DCDC1: variants seen among roughly 807,000 people sequenced by gnomAD.
DCDC1 encodes the protein doublecortin domain-containing protein 1.
A neutral mutation model predicts 178.3 loss-of-function variants in DCDC1; 200 were observed. The observed-to-expected ratio is 1.12, with a 90% confidence interval of 1.00 to 1.26. The LOEUF is 1.26. Among genes scored for constraint, DCDC1 ranks in the 50% most tolerant of loss-of-function variants. The pLI is 0.00. For missense variants in DCDC1, 1,983 were observed against 1,749.2 expected (o/e 1.13, Z -2.38); for synonymous variants, 690 against 604.8 (o/e 1.14, Z -2.07).
chr11:31,301,512 C>T (rs1948114408), intron 6 of DCDC1, among the ~76,000 whole-genome samples: 1 of 152,064 alleles, frequency 6.6e-6, no homozygotes, highest in African/African-American at 2.4e-5. Flanking sequence ...GTGCTTTTAA[C>T]ATAACAATTT....
At chr11:31,056,485 G>A (rs1020389859) in intron 20 of DCDC1, among the ~76,000 whole-genome samples, 9 of 151,892 alleles carry the variant, frequency 5.9e-5, no homozygotes. Flanking sequence ...AAAAGTAAAA[G>A]GACACCAAAA....
chr11:31,020,719 G>T (rs933830523), intron 20 of DCDC1, among the ~76,000 whole-genome samples: 1 of 152,112 alleles, frequency 6.6e-6, no homozygotes, highest in Non-Finnish European at 1.5e-5. Flanking sequence ...TTACAGGCAT[G>T]AGCCACCGCA....
chr11:30,952,597 A>T (rs1316513906), intron 20 of DCDC1, 29 bp from the exon 21 acceptor site: 3 of 996,594 alleles, frequency 3.0e-6, no homozygotes, highest in Non-Finnish European at 4.5e-6. Flanking sequence ...AACAAAAAGA[A>T]ATTTAGCAAG....
chr11:31,089,612 CTT>C (rs34932827), intron 17 of DCDC1, among the ~76,000 whole-genome samples: 5 of 141,500 alleles, frequency 3.5e-5, no homozygotes, highest in African/African-American at 2.6e-5. Context: ...ATGCTCCGTT[CTT>C]TTTTTTTTTT....
At chr11:31,138,640 C>T (rs1963449863) in intron 9 of DCDC1, among the ~76,000 whole-genome samples, 1 of 152,110 alleles carries the variant, frequency 6.6e-6, no homozygotes, top group Non-Finnish European at 1.5e-5. Context: ...AAATGAATAA[C>T]GACCATGTTT....
intron 22 of DCDC1, among the ~76,000 whole-genome samples, chr11:30,928,834 T>C (rs1946754368): frequency 6.6e-6 from 1 of 151,376 alleles, no homozygotes; most frequent in South Asian, 2.1e-4. Context: ...GAAATATAAA[T>C]TTTTCAACTT....
intron 1 of DCDC1, among the ~76,000 whole-genome samples, chr11:31,360,599 G>A (rs1357354350): frequency 6.6e-6 from 1 of 152,112 alleles, no homozygotes; most frequent in East Asian, 1.9e-4. Flanking sequence ...TCTGTTCTCT[G>A]TCTCAAAATA....
At chr11:31,059,916 T>C (rs921106593) in intron 20 of DCDC1, among the ~76,000 whole-genome samples, 6 of 152,074 alleles carry the variant, frequency 3.9e-5, no homozygotes, top group African/African-American at 1.4e-4. Context: ...TATATAGACA[T>C]GATCATTATT....
rs994633327 is a variant in DCDC1 at position 31,206,129 on chromosome 11, A to G, written c.1221+35321T>C. Among the ~76,000 whole-genome samples the G allele has an allele frequency of 2.6e-5, 4 of 152,308 alleles. No individual in the cohort carries two copies. In the East Asian group the frequency reaches 7.7e-4, roughly 29 times the overall value. The stretch of plus-strand genomic sequence containing the variant: ...AAGGCAAATGGATAAAGAATCATCA[A>G]TGGATATTAAAACCAGTAGGTGAAA... On this transcript the variant is annotated intron_variant, in intron 9 of 38. Transcript: ENST00000684477.
At position 30,922,650 on chromosome 11, in the gene DCDC1, AG is replaced by A; in HGVS notation, c.2998-13del. 1 of 1,520,160 alleles carries A rather than the reference AG, an allele frequency of 6.6e-7. No individual in the cohort carries two copies. Among genetic ancestry groups the A allele is most frequent in the Non-Finnish European group, 8.8e-7 (1 of 1,141,444 alleles). 94.2% of individuals were successfully genotyped at this position (1,520,160 alleles called of 1,614,324 possible). The stretch of plus-strand genomic sequence containing the variant: ...CATGAAACATACACCTATCAAACAA[AG>A]CATCTCTTATCCTGTATATAATTGT... On this transcript the variant is annotated splice_polypyrimidine_tract_variant and intron_variant, in intron 23 of 38. Transcript: ENST00000684477.
chr11:31,104,374 G>T (rs1303780131), intron 13 of DCDC1, among the ~76,000 whole-genome samples: 1 of 152,036 alleles, frequency 6.6e-6, no homozygotes, highest in African/African-American at 2.4e-5. Context: ...CATCACCTCT[G>T]CAGTCTTGTT....
chr11:30,868,410 G>A (rs535075402), intron 38 of DCDC1, among the ~76,000 whole-genome samples: 60 of 151,848 alleles, frequency 4.0e-4, no homozygotes, highest in South Asian at 2.1e-3. Context: ...ACCACCACAC[G>A]TGGTTAATTT....
intron 1 of DCDC1, among the ~76,000 whole-genome samples, chr11:31,354,500 G>A (rs956517542): frequency 6.6e-6 from 1 of 152,152 alleles, no homozygotes; most frequent in African/African-American, 2.4e-5. Flanking sequence ...CATTTTTAAA[G>A]CAAGGGGGAA....
At chr11:30,944,665 C>A (rs940419524) in intron 21 of DCDC1, among the ~76,000 whole-genome samples, 4 of 152,126 alleles carry the variant, frequency 2.6e-5, no homozygotes, top group African/African-American at 4.8e-5. Flanking sequence ...ATTTGAGTTT[C>A]CCTGCTTGGT....
chr11:31,225,921 C>G (rs1974889041), intron 9 of DCDC1, among the ~76,000 whole-genome samples: 1 of 151,638 alleles, frequency 6.6e-6, no homozygotes, highest in Non-Finnish European at 1.5e-5. Flanking sequence ...AAACACAGAG[C>G]TAGGAAGGAG....
chr11:31,296,871 G>A (rs1338571972), intron 6 of DCDC1, among the ~76,000 whole-genome samples: 1 of 152,018 alleles, frequency 6.6e-6, no homozygotes, highest in Non-Finnish European at 1.5e-5. Context: ...CCACCCCCAT[G>A]ATCTAATTAC....
intron 9 of DCDC1, among the ~76,000 whole-genome samples, chr11:31,198,384 C>T (rs1051924470): frequency 2.0e-5 from 3 of 151,942 alleles, no homozygotes; most frequent in African/African-American, 7.2e-5. Context: ...TTTTTGCTAG[C>T]AAGTATAGAT....
chr11:31,150,642 G>A (rs576578785), intron 9 of DCDC1, among the ~76,000 whole-genome samples: 2 of 152,132 alleles, frequency 1.3e-5, no homozygotes, highest in South Asian at 4.2e-4. Flanking sequence ...TAATAAGAAA[G>A]CCTCTTTTTA....
chr11:31,284,078 A>G (rs1458567854), intron 7 of DCDC1, among the ~76,000 whole-genome samples: 3 of 152,092 alleles, frequency 2.0e-5, no homozygotes, highest in African/African-American at 7.2e-5. Context: ...CTTAGGCATT[A>G]CAGCTGATGC....
Sources: allele counts gnomAD v4.1 joint callset (sites outside exome capture counted in the v4.1 genomes callset), GRCh38; gene constraint gnomAD v4.1.1; transcripts MANE v1.5; gene names NCBI Gene and HGNC (gene_info 2026-07-23, HGNC 2026-07-21).